The following WWC2 variants were observed in gnomAD, a reference collection of about 807,000 sequenced individuals.
WWC2 encodes the protein protein WWC2.
In WWC2, 101 loss-of-function variants were observed where a neutral mutation model predicts 138.5. The observed-to-expected ratio is 0.73, with a 90% CI of 0.62 to 0.86. The LOEUF is 0.86. Among genes scored for constraint, WWC2 ranks in the 40% least tolerant of loss-of-function variants. The pLI is 0.00. For synonymous variants in WWC2, 558 were observed against 538.4 expected (o/e 1.04, Z -0.50); for missense variants, 1,420 against 1,419.4 (o/e 1.00, Z -0.01).
At chr4:183,117,386 A>T (rs1246763050) in intron 1 of WWC2, among the ~76,000 whole-genome samples, 2 of 149,468 alleles carry the variant, frequency 1.3e-5, no homozygotes, top group Non-Finnish European at 3.0e-5. Flanking sequence ...ATGCCCAGCT[A>T]ATTTTTGTAT....
At chr4:183,164,299 TACA>T (rs1561443692) in intron 1 of WWC2, among the ~76,000 whole-genome samples, 17 of 7,416 alleles carry the variant, frequency 2.3e-3, no homozygotes, top group African/African-American at 7.6e-3. Context: ...TATATATATA[TACA>T]TATATATATT....
intron 4 of WWC2, among the ~76,000 whole-genome samples, chr4:183,231,078 C>T (rs1018091997): frequency 2.0e-5 from 3 of 152,050 alleles, no homozygotes; most frequent in Admixed American, 6.6e-5. Context: ...CAACCATATT[C>T]ATAAGCAAAG....
intron 6 of WWC2, 133 bp from the exon 7 acceptor site, chr4:183,248,581 A>C: frequency 1.2e-6 from 1 of 861,386 alleles, no homozygotes. Flanking sequence ...ATTATATAAA[A>C]TGGTAAGTAC....
At chr4:183,207,834 C>T in intron 2 of WWC2, 119 bp from the exon 3 acceptor site, 1 of 924,904 alleles carries the variant, frequency 1.1e-6, no homozygotes, top group Non-Finnish European at 1.6e-6. Flanking sequence ...GTCACTCCAG[C>T]ACAGCTAAAT....
intron 1 of WWC2, among the ~76,000 whole-genome samples, chr4:183,173,734 C>G (rs1347572455): frequency 1.3e-5 from 2 of 152,100 alleles, no homozygotes; most frequent in Non-Finnish European, 2.9e-5. Context: ...GGGGGGCCAG[C>G]TGCCCGGGGA....
At chr4:183,305,549 A>G (rs1220760386) in intron 21 of WWC2, among the ~76,000 whole-genome samples, 1 of 152,168 alleles carries the variant, frequency 6.6e-6, no homozygotes, top group Non-Finnish European at 1.5e-5. Context: ...GAACAAAGAC[A>G]AGTATTATAT....
At chr4:183,284,046 T>C (rs1429755583) in intron 18 of WWC2, among the ~76,000 whole-genome samples, 180 bp from the exon 19 acceptor site, 3 of 152,312 alleles carry the variant, frequency 2.0e-5, no homozygotes, top group African/African-American at 7.2e-5. Flanking sequence ...TGAAGAACAA[T>C]TCTCCCCAGA....
Position 183,289,592 on chromosome 4 carries a change from A to G in WWC2, c.3341A>G (p.Glu1114Gly). 6.2e-7 allele frequency: 1 copy of G among 1,613,800 alleles called. No homozygotes were observed. The highest frequency in any genetic ancestry group is 8.5e-7 in the Non-Finnish European group (1 of 1,179,852). Residue 1114 changes from glutamate to glycine, a missense_variant, in exon 21 of 23, where the codon GAG (glutamate) becomes GGG (glycine). Physicochemically the swap from Glu to Gly is moderately conservative, Grantham distance 98. Coordinates refer to ENST00000403733, the MANE Select transcript of WWC2 (RefSeq NM_024949.6). ...GETDLPPGVL[E>G]DERFQRLLKQ... ...ACTGACCTTCCACCAGGCGTGCTGG[A>G]GGATGAGAGGTTCCAGAGGCTTCTG...
At chr4:183,215,576 A>AG (rs1735731341) in intron 4 of WWC2, among the ~76,000 whole-genome samples, 1 of 152,230 alleles carries the variant, frequency 6.6e-6, no homozygotes, top group African/African-American at 2.4e-5. Flanking sequence ...TTCTTTCAAA[A>AG]GCATACCAGA....
intron 3 of WWC2, 113 bp from the exon 4 acceptor site, chr4:183,208,836 A>T (rs1735514435): frequency 1.5e-6 from 1 of 668,892 alleles, no homozygotes; most frequent in Non-Finnish European, 2.5e-6. Context: ...AGGAATTAGA[A>T]AGCAAGTATT....
In WWC2 at chr4:183,265,803, C is replaced by T. The variant is rs749535127; in HGVS notation, c.2120+35C>T. 4 of 1,608,846 alleles carry T rather than the reference C, an allele frequency of 2.5e-6. No individual in the cohort carries two copies. The South Asian group carries it at 3.3e-5, about 13-fold the overall frequency. ...GTACGTGGGAAAGGAGCAGTTCTGA[C>T]ATCTGTGCAGGGCAAGTGGCCTGTG... On this transcript the variant is annotated intron_variant, in intron 13 of 22. Coordinates refer to ENST00000403733, the MANE Select transcript of WWC2 (RefSeq NM_024949.6).
chr4:183,253,360 A>G (rs1479139546), intron 8 of WWC2, among the ~76,000 whole-genome samples: 1 of 152,112 alleles, frequency 6.6e-6, no homozygotes, highest in Non-Finnish European at 1.5e-5. Context: ...CATTCACCTC[A>G]GTTTTTTTAA....
chr4:183,238,552 C>A (rs1022783045), intron 4 of WWC2, among the ~76,000 whole-genome samples: 2 of 152,190 alleles, frequency 1.3e-5, no homozygotes, highest in Non-Finnish European at 2.9e-5. Flanking sequence ...CACCCCCACC[C>A]TCTGTAATCC....
chr4:183,183,344 C>G (rs894111265), intron 1 of WWC2, among the ~76,000 whole-genome samples: 7 of 151,838 alleles, frequency 4.6e-5, no homozygotes, highest in African/African-American at 1.7e-4. Flanking sequence ...CTCCCTTCCC[C>G]CACCTGGAAT....
chr4:183,126,425 C>T (rs559368053), intron 1 of WWC2, among the ~76,000 whole-genome samples: 20 of 152,288 alleles, frequency 1.3e-4, no homozygotes, highest in African/African-American at 4.8e-4. Context: ...CAGCAGGCAT[C>T]ATGGGGCTTC....
chr4:183,291,023 G>A (rs1738434312), intron 21 of WWC2, among the ~76,000 whole-genome samples: 1 of 152,222 alleles, frequency 6.6e-6, no homozygotes, highest in African/African-American at 2.4e-5. Flanking sequence ...TATCCCACCT[G>A]ATAGAAGGAA....
At chr4:183,294,000 A>G (rs1018755721) in intron 21 of WWC2, among the ~76,000 whole-genome samples, 8 of 152,112 alleles carry the variant, frequency 5.3e-5, no homozygotes, top group Admixed American at 3.9e-4. Context: ...TAAATATTAT[A>G]TCAAATTATA....
intron 4 of WWC2, among the ~76,000 whole-genome samples, chr4:183,221,576 A>C (rs1242402763): frequency 6.6e-6 from 1 of 152,224 alleles, no homozygotes; most frequent in Admixed American, 6.5e-5. Flanking sequence ...GAATTAAATT[A>C]GACATCATAA....
chr4:183,102,891 A>G (rs1156572449), intron 1 of WWC2, among the ~76,000 whole-genome samples: 1 of 139,046 alleles, frequency 7.2e-6, no homozygotes, highest in African/African-American at 2.7e-5. Flanking sequence ...TTTTTTAATT[A>G]CATTCAACAA....
Sources: gnomAD v4.1 joint callset for allele counts (sites outside exome capture counted in the v4.1 genomes callset) on GRCh38, gnomAD v4.1.1 for gene constraint, MANE v1.5 for transcripts, NCBI Gene and HGNC (gene_info 2026-07-23, HGNC 2026-07-21) for gene names.